NIPBL: variants seen among roughly 807,000 people sequenced by gnomAD.
The protein encoded by NIPBL is NIPBL cohesin loading factor.
A neutral mutation model predicts 321.8 loss-of-function variants in NIPBL; 19 were observed. The ratio of observed to expected loss-of-function variants is 0.06; its 90% CI spans 0.04 to 0.09. The LOEUF (loss-of-function observed/expected upper bound fraction) is 0.09, where lower values mean the gene tolerates loss of function less well. NIPBL is among the 10% of genes least tolerant of loss of function. The pLI, the probability that NIPBL is intolerant of heterozygous loss-of-function variation, is 1.00. For missense variants in NIPBL, 2,210 were observed against 3,327.0 expected (o/e 0.66, Z 8.26); for synonymous variants, 1,106 against 1,114.1 (o/e 0.99, Z 0.14).
Position 36,961,515 on chromosome 5 carries a change from G to A in NIPBL, c.390G>A (p.Gln130=), listed in dbSNP as rs975640744. 15 of 1,611,862 alleles carry A rather than the reference G, an allele frequency of 9.3e-6. No homozygotes were observed. The highest frequency in any genetic ancestry group is 1.3e-5 in the Non-Finnish European group (15 of 1,178,238). ...GMMMSQYKLS[Q]NSMHSSPASS... The stretch of plus-strand genomic sequence containing the variant: ...TGATGTCTCAGTATAAACTTTCTCA[G>A]AATTCCATGCACAGTAGTCCTGCAT... The change falls in exon 5 of 47, where the codon CAG becomes CAA. Residue 130 remains glutamine, a synonymous_variant. Transcript: ENST00000282516.
chr5:36,883,881 A>G (rs1012539491), intron 1 of NIPBL, among the ~76,000 whole-genome samples: 34 of 151,446 alleles, frequency 2.2e-4, no homozygotes, highest in African/African-American at 8.2e-4. Flanking sequence ...GCATAACTCC[A>G]TTTATTATTT....
chr5:37,043,421 G>A (rs1040628781), intron 34 of NIPBL, among the ~76,000 whole-genome samples: 4 of 151,820 alleles, frequency 2.6e-5, no homozygotes, highest in East Asian at 3.9e-4. Flanking sequence ...CCAGCTACTC[G>A]GGTGGCTGAG....
rs758811008 is a variant in NIPBL, at chr5:37,008,139, T to G, written c.4320+51T>G. Reference sequence around the variant, plus strand: ...AGTTACCCCACAAATAAAACAATATTGATGTCATTTAATCCAAATTTCCAA... The same window carrying G: ...AGTTACCCCACAAATAAAACAATATGGATGTCATTTAATCCAAATTTCCAA... On this transcript the variant is annotated intron_variant, in intron 19 of 46. Transcript: ENST00000282516. 1.4e-5 allele frequency: 17 copies of G among 1,207,174 alleles called. No homozygotes were observed. In the South Asian group the frequency reaches 2.0e-4, roughly 14 times the overall value. 74.8% of individuals were successfully genotyped at this position (1,207,174 alleles called of 1,614,324 possible).
chr5:36,905,708 A>G (rs1747579002), intron 1 of NIPBL, among the ~76,000 whole-genome samples: 1 of 152,096 alleles, frequency 6.6e-6, no homozygotes, highest in South Asian at 2.1e-4. Context: ...CTAAAAAATA[A>G]GAAAGTCAAA....
chr5:37,018,957 G>A (rs1749310605), intron 24 of NIPBL, among the ~76,000 whole-genome samples: 1 of 152,122 alleles, frequency 6.6e-6, no homozygotes, highest in South Asian at 2.1e-4. Flanking sequence ...ACAAAAATTA[G>A]CCAGGCATGG....
intron 33 of NIPBL, 67 bp downstream of exon 33, chr5:37,036,554 A>G: frequency 1.6e-6 from 1 of 635,230 alleles, no homozygotes; most frequent in Non-Finnish European, 2.4e-6. Context: ...TATTTTGAGT[A>G]AATTTCTCAT....
At chr5:37,007,593 G>A (rs1747591547) in intron 18 of NIPBL, 119 bp downstream of exon 18, 1 of 689,448 alleles carries the variant, frequency 1.5e-6, no homozygotes, top group Admixed American at 2.9e-5. Context: ...CCTGTTAAGA[G>A]TATGTTATAT....
chr5:37,053,531 T>C (rs562267366), intron 42 of NIPBL, among the ~76,000 whole-genome samples: 5 of 152,234 alleles, frequency 3.3e-5, no homozygotes, highest in Non-Finnish European at 7.3e-5. Flanking sequence ...ATAAAAGTTA[T>C]GTGAATGGGA....
chr5:37,019,163 A>T (rs549835503), intron 24 of NIPBL, 148 bp from the exon 25 acceptor site: 1 of 649,610 alleles, frequency 1.5e-6, no homozygotes, highest in South Asian at 1.7e-5. Context: ...TTTCGGAAAT[A>T]ATATTTTTCT....
At chr5:36,999,005 G>A (rs537055796) in intron 11 of NIPBL, among the ~76,000 whole-genome samples, 2 of 152,134 alleles carry the variant, frequency 1.3e-5, no homozygotes, top group Non-Finnish European at 2.9e-5. Context: ...TAAAGAAGAG[G>A]AAACAAAATG....
At chr5:37,000,346 TTA>T in intron 11 of NIPBL, 25 bp from the exon 12 acceptor site, 1 of 1,605,380 alleles carries the variant, frequency 6.2e-7, no homozygotes, top group Non-Finnish European at 8.5e-7. Context: ...ATGAGGTAAA[TTA>T]TTTGTCATGG....
chr5:37,063,837 A>G lies in NIPBL; in HGVS notation c.7908A>G (p.Glu2636=), dbSNP rs781105857. The G allele has an allele frequency of 6.2e-7, 1 of 1,614,072 alleles. No homozygotes were observed. The highest frequency in any genetic ancestry group is 8.5e-7 in the Non-Finnish European group (1 of 1,179,994). Reference sequence around the variant, plus strand: ...TGGACCCTGATGAAGAAGAAGAAGAAGGGGAGGTTTCAGCTAGCACAAATG... The same window carrying G: ...TGGACCCTGATGAAGAAGAAGAAGAGGGGGAGGTTTCAGCTAGCACAAATG... ...EHLDPDEEEE[E]GEVSASTNAR... The change falls in exon 46 of 47, where the codon GAA becomes GAG. Residue 2636 remains glutamate (E), a synonymous_variant. Transcript: ENST00000282516.
At chr5:36,917,750 A>G (rs1748585639) in intron 1 of NIPBL, among the ~76,000 whole-genome samples, 3 of 152,216 alleles carry the variant, frequency 2.0e-5, no homozygotes, top group South Asian at 4.1e-4. Flanking sequence ...ATGGCTAGCC[A>G]GTTTTCCCAG....
intron 10 of NIPBL, among the ~76,000 whole-genome samples, chr5:36,991,594 G>A (rs1745522064): frequency 6.6e-6 from 1 of 151,936 alleles, no homozygotes; most frequent in Non-Finnish European, 1.5e-5. Context: ...TACATAATGA[G>A]TAGTAAATTG....
At chr5:36,938,726 A>G (rs963684278) in intron 1 of NIPBL, among the ~76,000 whole-genome samples, 23 of 152,156 alleles carry the variant, frequency 1.5e-4, no homozygotes, top group Non-Finnish European at 2.9e-5. Context: ...GGAAGTTGGG[A>G]AAAAGTATAC....
intron 38 of NIPBL, among the ~76,000 whole-genome samples, chr5:37,047,236 G>A (rs1002481358): frequency 6.6e-6 from 1 of 152,112 alleles, no homozygotes; most frequent in African/African-American, 2.4e-5. Flanking sequence ...AGCAATGACT[G>A]TACACGTAAA....
rs16903425 is a variant in NIPBL at position 36,971,954 on chromosome 5, T to G, written c.781T>G (p.Ser261Ala). The G allele has an allele frequency of 2.5e-3, 4,109 of 1,612,812 alleles. 102 individuals are homozygous for G. In the African/African-American group the frequency reaches 0.05, roughly 20 times the overall value. Residue 261 changes from serine (S) to alanine (A), a missense_variant, in exon 8 of 47, where the codon TCT (serine) becomes GCT (alanine). This residue lies in a region of NIPBL where 464 missense variants were observed against 529.5 expected (regional missense o/e 0.88). Transcript: ENST00000282516. ...VHRLSSDDGD[S>A]STMRNAASFP... ...TATACTCTATTTTTAGGATGGAGAT[T>G]CTTCAACAATGAGGAATGCTGCATC... is the stretch of plus-strand genomic sequence containing the variant.
intron 34 of NIPBL, 127 bp from the exon 35 acceptor site, chr5:37,044,220 C>A (rs1752746823): frequency 1.6e-5 from 13 of 819,102 alleles, no homozygotes; most frequent in Non-Finnish European, 2.3e-5. Flanking sequence ...AAAACTCTAA[C>A]AGACTTTTTT....
At chr5:36,895,624 GTTA>G (rs1746674688) in intron 1 of NIPBL, among the ~76,000 whole-genome samples, 1 of 152,124 alleles carries the variant, frequency 6.6e-6, no homozygotes, top group Non-Finnish European at 1.5e-5. Flanking sequence ...ACCAACACTT[GTTA>G]TTGTCTGTCT....
Sources: allele counts gnomAD v4.1 joint callset (sites outside exome capture counted in the v4.1 genomes callset), GRCh38; gene constraint gnomAD v4.1.1; regional missense constraint gnomAD v4.1.1; transcripts MANE v1.5; gene names NCBI Gene and HGNC (gene_info 2026-07-23, HGNC 2026-07-21).